The following ZPBP2 variants were observed in gnomAD, a reference collection of about 807,000 sequenced individuals.
The protein encoded by ZPBP2 is zona pellucida-binding protein 2.
A neutral mutation model predicts 37.5 loss-of-function variants in ZPBP2; 34 were observed. That is an observed-to-expected ratio of 0.91 (90% confidence interval 0.69 to 1.21). ZPBP2 has a LOEUF of 1.21. Ranked by LOEUF, ZPBP2 falls within the 50% of genes most tolerant of loss-of-function variation. ZPBP2 has a pLI of 0.00. For synonymous variants in ZPBP2, 143 were observed against 138.4 expected (o/e 1.03, Z -0.23); for missense variants, 397 against 413.5 (o/e 0.96, Z 0.35).
intron 2 of ZPBP2, among the ~76,000 whole-genome samples, chr17:39,869,456 G>A (rs571136397): frequency 5.7e-5 from 8 of 140,218 alleles, no homozygotes; most frequent in African/African-American, 2.1e-4. Flanking sequence ...CCAGGCTGGA[G>A]TGCAATGGCA....
rs2063378143 is a variant in ZPBP2 at position 39,874,027 on chromosome 17, C to T, written c.708+901C>T. Among the ~76,000 whole-genome samples, 3 of 147,782 alleles carry T rather than the reference C, an allele frequency of 2.0e-5. No individual in the cohort carries two copies. The South Asian group carries it at 6.5e-4, about 32-fold the overall frequency. On this transcript the variant is annotated intron_variant, in intron 6 of 7. Transcript: ENST00000348931. ...TGAGACGGAGTCTTGCTCTGTTGCC[C>T]AGGCTGGAGTGCAGTGGTGGCCATC...
chr17:39,869,316 C>T (rs2063350551), intron 2 of ZPBP2, among the ~76,000 whole-genome samples: 2 of 151,830 alleles, frequency 1.3e-5, no homozygotes, highest in Non-Finnish European at 2.9e-5. Flanking sequence ...ATTATTGTTC[C>T]CAATGGAGAA....
At chr17:39,870,960 A>G in intron 3 of ZPBP2, 141 bp downstream of exon 3, 1 of 795,480 alleles carries the variant, frequency 1.3e-6, no homozygotes, top group Non-Finnish European at 1.8e-6. Context: ...ATCATGTTAT[A>G]TTTTGGCCAC....
chr17:39,875,883 C>CTTTTTTT (rs34192567), intron 7 of ZPBP2, among the ~76,000 whole-genome samples: 5 of 63,770 alleles, frequency 7.8e-5, no homozygotes, highest in Non-Finnish European at 1.3e-4. Context: ...TGCTTGGCCC[C>CTTTTTTT]TTTTTTTTTT....
Position 39,877,302 on chromosome 17 carries a change from A to G in ZPBP2, c.*493A>G, listed in dbSNP as rs937093692. ...TTTTAAAGTATAGGTTTAGGTTTACAGAATAATAGAGCAGATAATATATAG... is the reference window on the plus strand; with the variant it reads ...TTTTAAAGTATAGGTTTAGGTTTACGGAATAATAGAGCAGATAATATATAG... On this transcript the variant is annotated 3_prime_UTR_variant, in exon 8 of 8. Coordinates refer to ENST00000348931, the MANE Select transcript of ZPBP2 (RefSeq NM_199321.3). The G allele has an allele frequency of 2.6e-5, 4 of 153,110 alleles. No individual in the cohort carries two copies. The highest frequency in any genetic ancestry group is 7.2e-5 in the African/African-American group (3 of 41,440). The allele number at this position is 153,110 out of a possible 1,614,324, so 9.5% of individuals were successfully genotyped here. A position where few individuals can be genotyped will look rare whatever the true frequency, so the allele number is the denominator to read the frequency against.
chr17:39,876,479 T>A (rs2063391169), intron 7 of ZPBP2, among the ~76,000 whole-genome samples: 1 of 152,182 alleles, frequency 6.6e-6, no homozygotes. Flanking sequence ...CTTTCTCCTA[T>A]CTTTAAGATC....
At chr17:39,875,461 C>T (rs10852936) in intron 7 of ZPBP2, 27 bp downstream of exon 7, 662,149 of 1,505,442 alleles carry the variant, frequency 0.44, 148,955 homozygotes, top group Non-Finnish European at 0.46. Flanking sequence ...AATATCTAAA[C>T]ATTTAGGTTA....
rs1316048159 is a variant in ZPBP2, at chr17:39,868,422, C to T, written c.52+16C>T. On this transcript the variant is annotated intron_variant, in intron 1 of 7. Transcript: ENST00000348931. ...CTCACAGGAGGTGGGGCTCCCTCCA[C>T]CCGGTCCCCAGGCCTCTCCCTCTGC... 6.2e-7 allele frequency: 1 copy of T among 1,611,270 alleles called. No individual in the cohort carries two copies. Among genetic ancestry groups the T allele is most frequent in the South Asian group, 1.1e-5 (1 of 91,082 alleles).
chr17:39,868,779 T>C (rs2063348063), intron 2 of ZPBP2, among the ~76,000 whole-genome samples, 165 bp downstream of exon 2: 1 of 152,144 alleles, frequency 6.6e-6, no homozygotes, highest in Non-Finnish European at 1.5e-5. Flanking sequence ...TTTTCATCCT[T>C]ACAGCGATCC....
At position 39,876,599 on chromosome 17, in the gene ZPBP2, T is replaced by C; in HGVS notation, c.890-83T>C. On this transcript the variant is annotated intron_variant, in intron 7 of 7. Transcript: ENST00000348931. ...TGGTATGATATTAAAGGCAGATTTATATTGTTGGTATAGAATACCTCCAAG... is the reference window on the plus strand; with the variant it reads ...TGGTATGATATTAAAGGCAGATTTACATTGTTGGTATAGAATACCTCCAAG... The C allele has an allele frequency of 2.7e-6, 4 of 1,486,256 alleles. No homozygotes were observed. In the South Asian group the frequency reaches 4.9e-5, roughly 18 times the overall value. 92.1% of individuals were successfully genotyped at this position (1,486,256 alleles called of 1,614,324 possible).
intron 2 of ZPBP2, among the ~76,000 whole-genome samples, chr17:39,870,488 G>A (rs1051738867): frequency 2.6e-5 from 4 of 152,042 alleles, no homozygotes; most frequent in Admixed American, 6.6e-5. Context: ...ATCATGACTC[G>A]TGACTAACAG....
rs2063345834 is a variant in ZPBP2 at position 39,868,413 on chromosome 17, C to A, written c.52+7C>A. ...CTCTGGTGCCTCACAGGAGGTGGGG[C>A]TCCCTCCACCCGGTCCCCAGGCCTC... On this transcript the variant is annotated splice_region_variant and intron_variant, in intron 1 of 7. Transcript: ENST00000348931. 1 of 1,610,958 alleles carries A rather than the reference C, an allele frequency of 6.2e-7. No homozygotes were observed. The highest frequency in any genetic ancestry group is 1.7e-4 in the Middle Eastern group (1 of 6,046).
Position 39,876,975 on chromosome 17 carries a change from A to G in ZPBP2, c.*166A>G. 1.4e-6 allele frequency: 1 copy of G among 739,324 alleles called. No individual in the cohort carries two copies. Among genetic ancestry groups the G allele is most frequent in the South Asian group, 1.8e-5 (1 of 55,404 alleles). The allele number at this position is 739,324 out of a possible 1,614,324, so 45.8% of individuals were successfully genotyped here. ...AAATGGTTAACATGGCATTTCTAAG[A>G]AGGCATTTAATCCAGTATCTCTAGT... On this transcript the variant is annotated 3_prime_UTR_variant, in exon 8 of 8. Coordinates refer to ENST00000348931, the MANE Select transcript of ZPBP2 (RefSeq NM_199321.3).
Position 39,872,261 on chromosome 17 carries a change from T to C in ZPBP2, c.407-9T>C. 6.4e-7 allele frequency: 1 copy of C among 1,569,220 alleles called. No homozygotes were observed. On this transcript the variant is annotated splice_polypyrimidine_tract_variant and intron_variant, in intron 4 of 7. Transcript: ENST00000348931. ...TGTTTTCACTCTCATCTTTCTTTTT[T>C]TTTTAAAGCCTATCGGGAACCTGAT...
chr17:39,868,422 C>A lies in ZPBP2; in HGVS notation c.52+16C>A, dbSNP rs1316048159. 1 of 1,611,270 alleles carries A rather than the reference C, an allele frequency of 6.2e-7. No homozygotes were observed. The highest frequency in any genetic ancestry group is 8.5e-7 in the Non-Finnish European group (1 of 1,179,926). On this transcript the variant is annotated intron_variant, in intron 1 of 7. Coordinates refer to ENST00000348931, the MANE Select transcript of ZPBP2 (RefSeq NM_199321.3). ...CTCACAGGAGGTGGGGCTCCCTCCA[C>A]CCGGTCCCCAGGCCTCTCCCTCTGC...
intron 2 of ZPBP2, among the ~76,000 whole-genome samples, chr17:39,868,976 G>T (rs73985224): frequency 0.037 from 5,566 of 152,062 alleles, 335 homozygotes; most frequent in African/African-American, 0.13. Flanking sequence ...TTATTAACTG[G>T]AAAAACTCCC....
intron 6 of ZPBP2, among the ~76,000 whole-genome samples, chr17:39,874,781 T>C (rs532566982): frequency 6.6e-6 from 1 of 152,110 alleles, no homozygotes; most frequent in Non-Finnish European, 1.5e-5. Context: ...AGACGGGGTC[T>C]CGCTCTGTCG....
chr17:39,876,552 T>C, intron 7 of ZPBP2, 130 bp from the exon 8 acceptor site: 1 of 949,432 alleles, frequency 1.1e-6, no homozygotes, highest in Non-Finnish European at 1.5e-6. Flanking sequence ...GAACATTACC[T>C]GGTATAATAT....
At chr17:39,874,676 G>A (rs1010448684) in intron 6 of ZPBP2, among the ~76,000 whole-genome samples, 5 of 151,608 alleles carry the variant, frequency 3.3e-5, no homozygotes, top group South Asian at 2.1e-4. Flanking sequence ...CAAGTGATCC[G>A]CCCACCTCTG....
Sources: allele counts gnomAD v4.1 joint callset (sites outside exome capture counted in the v4.1 genomes callset), GRCh38; gene constraint gnomAD v4.1.1; transcripts MANE v1.5; gene names NCBI Gene and HGNC (gene_info 2026-07-23, HGNC 2026-07-21).